HYOU1: variants seen among roughly 807,000 people sequenced by gnomAD.
HYOU1 encodes the protein hypoxia up-regulated protein 1.
In HYOU1, 40 loss-of-function variants were observed where a neutral mutation model predicts 120.5. The observed-to-expected ratio is 0.33, with a 90% CI of 0.26 to 0.43. The LOEUF is 0.43. HYOU1 is among the 20% of genes least tolerant of loss of function. The pLI, the probability that HYOU1 is intolerant of heterozygous loss-of-function variation, is 1.00. For missense variants in HYOU1, 1,085 were observed against 1,278.3 expected, an observed-to-expected ratio of 0.85 and a Z score of 2.31; for synonymous variants, 501 against 479.4, an observed-to-expected ratio of 1.05 and a Z score of -0.59.
Position 119,051,644 on chromosome 11 carries a change from G to A in HYOU1, c.1339-19C>T. On this transcript the variant is annotated intron_variant, in intron 12 of 25. Coordinates refer to ENST00000617285, the MANE Select transcript of HYOU1 (RefSeq NM_006389.5). This position sits in a 1 kb window ranked among gnomAD's most constrained non-coding sequence, Gnocchi z 4.2. ...ACTCCACCTACACAGCAGGCAGACA[G>A]AGGCACACTGTTGCACACTAGAGAA... 3.1e-6 allele frequency: 5 copies of A among 1,613,896 alleles called. No homozygotes were observed. The highest frequency in any genetic ancestry group is 4.2e-6 in the Non-Finnish European group (5 of 1,179,868).
At position 119,054,654 on chromosome 11, in the gene HYOU1, A is replaced by G. The variant is rs202026109; in HGVS notation, c.518T>C (p.Val173Ala). 1.2e-6 allele frequency: 2 copies of G among 1,613,138 alleles called. No individual in the cohort carries two copies. The highest frequency in any genetic ancestry group is 1.7e-6 in the Non-Finnish European group (2 of 1,179,980). Reference protein sequence around the residue: ...DFAEQPIKDAVITVPVFFNQA... With the variant: ...DFAEQPIKDAAITVPVFFNQA... ...GTTGAAGAAGACTGGCACGGTGATCACTGCATCCTTGATGGGCTGCTCTAC... is the reference window on the plus strand; with the variant it reads ...GTTGAAGAAGACTGGCACGGTGATCGCTGCATCCTTGATGGGCTGCTCTAC... Residue 173 changes from valine to alanine, a missense_variant, in exon 7 of 26, where the codon GTG becomes GCG. Physicochemically the swap from Val to Ala is moderately conservative, Grantham distance 64 (BLOSUM62 0). Transcript: ENST00000617285.
intron 21 of HYOU1, 35 bp from the exon 22 acceptor site, chr11:119,047,853 G>T (rs1234308953): frequency 6.2e-7 from 1 of 1,612,486 alleles, no homozygotes; most frequent in Admixed American, 1.7e-5. Context: ...AGCCCCAGAG[G>T]GAGAGGGGCC....
In HYOU1 at chr11:119,045,815, G is replaced by C; in HGVS notation, c.2904C>G (p.Asp968Glu). 1 of 1,612,692 alleles carries C rather than the reference G, an allele frequency of 6.2e-7. No homozygotes were observed. Among genetic ancestry groups the C allele is most frequent in the South Asian group, 1.1e-5 (1 of 90,914 alleles). ...EKVETGSEPG[D>E]TEPLELGGPG... ...GACCTCCTAACTCCAAAGGCTCAGT[G>C]TCTCCTGGCTCGGATCCTGCTTTGG... The change falls in exon 25 of 26, where the codon GAC (aspartate) becomes GAG (glutamate). Residue 968 changes from aspartate to glutamate, a missense_variant. By Grantham distance (45) the Asp-to-Glu change is conservative. This residue lies in a region of HYOU1 where 516 missense variants were observed against 517.1 expected (regional missense o/e 1.00). Transcript: ENST00000617285.
Position 119,055,410 on chromosome 11 carries a change from G to A in HYOU1, c.265-71C>T, listed in dbSNP as rs1944695462. Reference sequence around the variant, plus strand: ...ACCATTACCTACCTCTTACATCACAGAGACTGATAAGGAAACAGACTCTGG... The same window carrying A: ...ACCATTACCTACCTCTTACATCACAAAGACTGATAAGGAAACAGACTCTGG... On this transcript the variant is annotated intron_variant, in intron 4 of 25. Transcript: ENST00000617285. The surrounding 1 kb of genome is among the most constrained non-coding windows in gnomAD (Gnocchi z 4.0). The A allele has an allele frequency of 6.2e-7, 1 of 1,608,078 alleles. No homozygotes were observed. The highest frequency in any genetic ancestry group is 1.3e-5 in the African/African-American group (1 of 74,844).
At position 119,049,586 on chromosome 11, in the gene HYOU1, A is replaced by G; in HGVS notation, c.1776T>C (p.Asp592=). Residue 592 remains aspartate, a synonymous_variant, in exon 16 of 26, where the codon GAT becomes GAC. Coordinates refer to ENST00000617285, the MANE Select transcript of HYOU1 (RefSeq NM_006389.5). ...CAGTATCAGTACCATTCTCCTTGGC[A>G]TCTGGTGTGGTACCGCCTCCAAACA... ...SSLFGGGTTP[D]AKENGTDTVQ... 2 of 1,614,108 alleles carry G rather than the reference A, an allele frequency of 1.2e-6. No individual in the cohort carries two copies. The highest frequency in any genetic ancestry group is 1.7e-6 in the Non-Finnish European group (2 of 1,180,018).
chr11:119,047,064 T>A (rs1944125318), intron 22 of HYOU1: 1 of 373,252 alleles, frequency 2.7e-6, no homozygotes, highest in African/African-American at 2.1e-5. Flanking sequence ...AATAGTCCTT[T>A]TTTTTTTTTG....
intron 8 of HYOU1, chr11:119,053,267 C>T (rs1944555596): frequency 6.0e-6 from 1 of 166,618 alleles, no homozygotes; most frequent in Non-Finnish European, 1.3e-5. Flanking sequence ...AAAAGTGATG[C>T]TTGAACTGAA....
chr11:119,055,269 T>C lies in HYOU1; in HGVS notation c.335A>G (p.His112Arg). The change falls in exon 5 of 26, where the codon CAT (histidine) becomes CGT (arginine). Residue 112 changes from histidine (H) to arginine (R), a missense_variant. Coordinates refer to ENST00000617285, the MANE Select transcript of HYOU1 (RefSeq NM_006389.5). The surrounding 1 kb of genome is among the most constrained non-coding windows in gnomAD (Gnocchi z 4.0). ...GAAGCGGGCCTGGTAAAGAGCTACATGGGGGTTATCTGCCTGCTTCCCCAG... is the reference window on the plus strand; with the variant it reads ...GAAGCGGGCCTGGTAAAGAGCTACACGGGGGTTATCTGCCTGCTTCCCCAG... Reference protein sequence around the residue: ...HLLGKQADNPHVALYQARFPE... With the variant: ...HLLGKQADNPRVALYQARFPE... The C allele has an allele frequency of 1.2e-6, 2 of 1,614,058 alleles. No homozygotes were observed. Among genetic ancestry groups the C allele is most frequent in the South Asian group, 1.1e-5 (1 of 91,076 alleles).
Position 119,048,366 on chromosome 11 carries a change from T to C in HYOU1, c.2258A>G (p.Lys753Arg). The C allele has an allele frequency of 6.2e-7, 1 of 1,609,600 alleles. No individual in the cohort carries two copies. Among genetic ancestry groups the C allele is most frequent in the South Asian group, 1.1e-5 (1 of 91,068 alleles). Reference protein sequence around the residue: ...LEAFIFETQDKLYQPEYQEVS... With the variant: ...LEAFIFETQDRLYQPEYQEVS... ...TTCCTGGTACTCGGGCTGGTACAGC[T>C]TGTCCTGGGGAGGGGGACATGTAAA... is the stretch of plus-strand genomic sequence containing the variant. Residue 753 changes from lysine (K) to arginine (R), a missense_variant, in exon 20 of 26, where the codon AAG becomes AGG. This residue lies in a region of HYOU1 where 516 missense variants were observed against 517.1 expected (regional missense o/e 1.00). Coordinates refer to ENST00000617285, the MANE Select transcript of HYOU1 (RefSeq NM_006389.5). The surrounding 1 kb of genome is among the most constrained non-coding windows in gnomAD (Gnocchi z 4.7).
Position 119,049,808 on chromosome 11 carries a change from C to T in HYOU1, c.1695G>A (p.Glu565=). 2 of 1,614,144 alleles carry T rather than the reference C, an allele frequency of 1.2e-6. No homozygotes were observed. The highest frequency in any genetic ancestry group is 1.7e-6 in the Non-Finnish European group (2 of 1,179,994). Residue 565 remains glutamate, a synonymous_variant, in exon 15 of 26, where the codon GAG becomes GAA. Coordinates refer to ENST00000617285, the MANE Select transcript of HYOU1 (RefSeq NM_006389.5). ...RVESVFETLV[E]DSAEEESTLT... is the part of the protein sequence containing the mutation. ...GAGTAGATTCCTCTTCTGCGCTGTC[C>T]TCTACCAGTGTCTCAAATACAGACT...
Position 119,048,181 on chromosome 11 carries a change from T to C in HYOU1, c.2376+67A>G. The C allele has an allele frequency of 6.2e-7, 1 of 1,608,032 alleles. No homozygotes were observed. Among genetic ancestry groups the C allele is most frequent in the East Asian group, 2.2e-5 (1 of 44,814 alleles). ...ATGGGCTCAAGCCCCAGCTCTTCTC[T>C]CTCTCTGACCCTGGGAGAGGAAGGA... is the stretch of plus-strand genomic sequence containing the variant. On this transcript the variant is annotated intron_variant, in intron 20 of 25. Coordinates refer to ENST00000617285, the MANE Select transcript of HYOU1 (RefSeq NM_006389.5). The surrounding 1 kb of genome is among the most constrained non-coding windows in gnomAD (Gnocchi z 4.7).
chr11:119,045,898 G>A (rs1235870595), intron 24 of HYOU1, 67 bp from the exon 25 acceptor site: 3 of 1,497,798 alleles, frequency 2.0e-6, no homozygotes, highest in South Asian at 2.3e-5. Context: ...GGCTGGGCCA[G>A]TTTTTCCATG....
Position 119,046,719 on chromosome 11 carries a change from A to C in HYOU1, c.2679T>G (p.Ala893=). Residue 893 remains alanine, a synonymous_variant, in exon 23 of 26, where the codon GCT becomes GCG. Transcript: ENST00000617285. The part of the protein sequence containing the change: ...KPVLLSKDIE[A]KMMALDREVQ... ...CCTCTCGGTCCAGGGCCATCATCTT[A>C]GCTTCAATGTCTTTTGAGAGCAACA... The C allele has an allele frequency of 6.2e-7, 1 of 1,611,904 alleles. No individual in the cohort carries two copies. Among genetic ancestry groups the C allele is most frequent in the Non-Finnish European group, 8.5e-7 (1 of 1,180,002 alleles).
chr11:119,047,578 G>C, intron 22 of HYOU1, 156 bp downstream of exon 22: 1 of 658,586 alleles, frequency 1.5e-6, no homozygotes, highest in South Asian at 1.8e-5. Context: ...CCTTGCTTGG[G>C]ACTAATCAGA....
chr11:119,045,604 C>T lies in HYOU1; in HGVS notation c.2989G>A (p.Asp997Asn), dbSNP rs1399020629. ...AACAGAGGTGGGGGTTATAGTTCGT[C>T]GTTCTTCAAAGGCCGCTTCTGTCCT... is the stretch of plus-strand genomic sequence containing the variant. ...STGQKRPLKN[D>N]EL is the part of the protein sequence containing the mutation. Residue 997 changes from aspartate (D) to asparagine (N), a missense_variant, in exon 26 of 26, where the codon GAC (aspartate) becomes AAC (asparagine). Transcript: ENST00000617285. 1.2e-6 allele frequency: 2 copies of T among 1,614,116 alleles called. No homozygotes were observed. Among genetic ancestry groups the T allele is most frequent in the African/African-American group, 1.3e-5 (1 of 75,022 alleles).
Position 119,052,656 on chromosome 11 carries a change from T to C in HYOU1, c.968A>G (p.Asn323Ser). The stretch of plus-strand genomic sequence containing the variant: ...GGGCACCTGTGCCATGTGGTCAGCG[T>C]TGGCACTGAGGACGGTTTTGAGCCG... ...ANRLKTVLSA[N>S]ADHMAQIEGL... The change falls in exon 9 of 26, where the codon AAC becomes AGC. Residue 323 changes from asparagine (N) to serine (S), a missense_variant. Physicochemically the swap from Asn to Ser is conservative, Grantham distance 46. Around this residue, in one of 4 missense-constraint regions of HYOU1, gnomAD observed 515 missense variants for 677.8 expected, o/e 0.76. Coordinates refer to ENST00000617285, the MANE Select transcript of HYOU1 (RefSeq NM_006389.5). The surrounding 1 kb of genome is among the most constrained non-coding windows in gnomAD (Gnocchi z 5.0). The C allele has an allele frequency of 1.2e-6, 2 of 1,613,844 alleles. No homozygotes were observed. The highest frequency in any genetic ancestry group is 8.5e-7 in the Non-Finnish European group (1 of 1,179,824).
In HYOU1 at chr11:119,046,612, G is replaced by T; in HGVS notation, c.2786C>A (p.Pro929His). 1 of 1,614,158 alleles carries T rather than the reference G, an allele frequency of 6.2e-7. No homozygotes were observed. The highest frequency in any genetic ancestry group is 1.1e-5 in the South Asian group (1 of 91,086). ...CTGGTCACTGGCACTGGCATTGAGGGGTGGCTCTGCCCGGGTCCCATTCTT... is the reference window on the plus strand; with the variant it reads ...CTGGTCACTGGCACTGGCATTGAGGTGTGGCTCTGCCCGGGTCCCATTCTT... Reference protein sequence around the residue: ...KDKNGTRAEPPLNASASDQGE... With the variant: ...KDKNGTRAEPHLNASASDQGE... The change falls in exon 23 of 26, where the codon CCC (proline) becomes CAC (histidine). Residue 929 changes from proline (P) to histidine (H), a missense_variant. Physicochemically the swap from Pro to His is moderately conservative, Grantham distance 77. Coordinates refer to ENST00000617285, the MANE Select transcript of HYOU1 (RefSeq NM_006389.5).
Position 119,055,953 on chromosome 11 carries a change from A to T in HYOU1, c.92-110T>A. ...TGGGTAAACGAAGATGGCAAAAGAC[A>T]AAAAGGCCTGGACCTAACAACTCAA... On this transcript the variant is annotated intron_variant, in intron 2 of 25. Transcript: ENST00000617285. This position sits in a 1 kb window ranked among gnomAD's most constrained non-coding sequence, Gnocchi z 4.0. The T allele has an allele frequency of 1.5e-6, 2 of 1,367,654 alleles. No individual in the cohort carries two copies. The highest frequency in any genetic ancestry group is 2.1e-6 in the Non-Finnish European group (2 of 958,796). The allele number at this position is 1,367,654 out of a possible 1,614,324, so 84.7% of individuals were successfully genotyped here.
chr11:119,051,631 C>G lies in HYOU1; in HGVS notation c.1339-6G>C, dbSNP rs2133586495. ...ACCTCCCTCGTGAACTCCACCTACA[C>G]AGCAGGCAGACAGAGGCACACTGTT... On this transcript the variant is annotated splice_region_variant and splice_polypyrimidine_tract_variant and intron_variant, in intron 12 of 25. Transcript: ENST00000617285. This position sits in a 1 kb window ranked among gnomAD's most constrained non-coding sequence, Gnocchi z 4.2. 5 of 1,613,914 alleles carry G rather than the reference C, an allele frequency of 3.1e-6. No individual in the cohort carries two copies. The highest frequency in any genetic ancestry group is 1.6e-4 in the Middle Eastern group (1 of 6,062).
Sources: gnomAD v4.1 joint callset for allele counts on GRCh38, gnomAD v4.1.1 for gene constraint, gnomAD v4.1.1 regional missense constraint, Gnocchi (gnomAD v3.1) non-coding constraint, MANE v1.5 for transcripts, NCBI Gene and HGNC (gene_info 2026-07-23, HGNC 2026-07-21) for gene names.